GLG1: variants seen among roughly 807,000 people sequenced by gnomAD.
GLG1 encodes the protein golgi glycoprotein 1.
A neutral mutation model predicts 160.5 loss-of-function variants in GLG1; 38 were observed. The ratio of observed to expected loss-of-function variants is 0.24; its 90% CI spans 0.18 to 0.31. GLG1 has a LOEUF of 0.31. Ranked by LOEUF, GLG1 falls within the 10% of genes least tolerant of loss-of-function variation. GLG1 has a pLI of 1.00. For synonymous variants in GLG1, 644 were observed against 543.4 expected (o/e 1.19, Z -2.57); for missense variants, 1,373 against 1,505.2 (o/e 0.91, Z 1.45).
intron 2 of GLG1, among the ~76,000 whole-genome samples, chr16:74,512,799 T>C (rs567102712): frequency 6.6e-6 from 1 of 152,082 alleles, no homozygotes; most frequent in African/African-American, 2.4e-5. Context: ...GTGATAAATG[T>C]GATAACAAGC....
intron 2 of GLG1, among the ~76,000 whole-genome samples, chr16:74,514,880 T>C (rs1216970019): frequency 6.6e-6 from 1 of 152,010 alleles, no homozygotes; most frequent in African/African-American, 2.4e-5. Context: ...CAGTATGCTG[T>C]ATTCAGGAGA....
chr16:74,488,950 A>G (rs1294261711), intron 8 of GLG1, among the ~76,000 whole-genome samples: 7 of 152,072 alleles, frequency 4.6e-5, no homozygotes, highest in Admixed American at 3.9e-4. Context: ...GGGCAAAACC[A>G]TATGTTTCAC....
chr16:74,571,931 G>A (rs1040058971), intron 1 of GLG1, among the ~76,000 whole-genome samples: 7 of 152,212 alleles, frequency 4.6e-5, no homozygotes, highest in African/African-American at 1.7e-4. Context: ...ATAGATACTT[G>A]GTCTCTGTGC....
Position 74,508,842 on chromosome 16 carries a change from T to A in GLG1, c.555A>T (p.Thr185=). The A allele has an allele frequency of 7.2e-7, 1 of 1,384,794 alleles. No individual in the cohort carries two copies. The highest frequency in any genetic ancestry group is 1.0e-6 in the Non-Finnish European group (1 of 971,566). The allele number at this position is 1,384,794 out of a possible 1,614,324, so 85.8% of individuals were successfully genotyped here. A position where few individuals can be genotyped will look rare whatever the true frequency, so the allele number is the denominator to read the frequency against. ...ACAAAATTCTTTGACAACTTACCTC[T>A]GTTATAGTAGATTTGCAAACCTCTC... ...VAREVCKSTI[T]EIKECADEPV... Residue 185 remains threonine, a synonymous_variant, in exon 3 of 26, where the codon ACA becomes ACT. Transcript: ENST00000422840.
At chr16:74,590,611 A>G (rs112151620) in intron 1 of GLG1, among the ~76,000 whole-genome samples, 1 of 126,518 alleles carries the variant, frequency 7.9e-6, no homozygotes, top group African/African-American at 3.1e-5. Flanking sequence ...ACTGAGTGAG[A>G]CTCCGTCTCC....
At chr16:74,544,748 CCTCGGCCTCCCAA>C (rs2017998478) in intron 1 of GLG1, among the ~76,000 whole-genome samples, 1 of 152,220 alleles carries the variant, frequency 6.6e-6, no homozygotes, top group Non-Finnish European at 1.5e-5. Context: ...GACCCTCCCA[CCTCGGCCTCCCAA>C]AGTGCAGGGA....
intron 1 of GLG1, among the ~76,000 whole-genome samples, chr16:74,598,332 C>T (rs745334388): frequency 4.0e-5 from 6 of 150,366 alleles, no homozygotes; most frequent in East Asian, 2.0e-4. Context: ...CCATCCTGGC[C>T]AACATGGTGA....
At chr16:74,524,214 A>G (rs1346645860) in intron 2 of GLG1, among the ~76,000 whole-genome samples, 4 of 147,506 alleles carry the variant, frequency 2.7e-5, no homozygotes, top group Admixed American at 1.3e-4. Context: ...ATCTCAAAAC[A>G]AAAAAAAAGA....
Position 74,597,430 on chromosome 16 carries a change from C to CA in GLG1, c.438+9226dup, listed in dbSNP as rs1180246941. On this transcript the variant is annotated intron_variant, in intron 1 of 25. Coordinates refer to ENST00000422840, the MANE Select transcript of GLG1 (RefSeq NM_001145667.2). Reference sequence around the variant, plus strand: ...TGGATGACAGAGTGAGACTCCATCTCAAAAAAAAAAAAAAAGAAAGAAAAA... The same window carrying CA: ...TGGATGACAGAGTGAGACTCCATCTCAAAAAAAAAAAAAAAAGAAAGAAAAA... 9.9e-3 allele frequency among the ~76,000 whole-genome samples: 614 copies of CA among 61,764 alleles called. 3 individuals carry two copies. Among genetic ancestry groups the CA allele is most frequent in the Middle Eastern group, 0.052 (3 of 58 alleles). 40.5% of individuals were successfully genotyped at this position (61,764 alleles called of 152,430 possible).
At chr16:74,514,984 G>A (rs1239992084) in intron 2 of GLG1, among the ~76,000 whole-genome samples, 2 of 152,018 alleles carry the variant, frequency 1.3e-5, no homozygotes, top group East Asian at 1.9e-4. Context: ...AAAAAAAGCA[G>A]GGGTTGCAAT....
chr16:74,507,521 G>C (rs1319488288), intron 3 of GLG1, among the ~76,000 whole-genome samples: 2 of 152,140 alleles, frequency 1.3e-5, no homozygotes, highest in African/African-American at 2.4e-5. Flanking sequence ...TGGATCACAT[G>C]AGGTCAGGAT....
At chr16:74,486,945 G>A (rs185140258) in intron 8 of GLG1, among the ~76,000 whole-genome samples, 15 of 145,978 alleles carry the variant, frequency 1.0e-4, no homozygotes, top group Admixed American at 7.8e-4. Context: ...ACAGAGTTTC[G>A]CTCTGTCACC....
chr16:74,584,605 G>A (rs760276843), intron 1 of GLG1, among the ~76,000 whole-genome samples: 18 of 152,016 alleles, frequency 1.2e-4, no homozygotes, highest in Admixed American at 9.8e-4. Context: ...AGGGTGGGAA[G>A]CGGTTGAGGA....
At chr16:74,558,625 A>G (rs1489876790) in intron 1 of GLG1, among the ~76,000 whole-genome samples, 1 of 152,226 alleles carries the variant, frequency 6.6e-6, no homozygotes, top group Non-Finnish European at 1.5e-5. Flanking sequence ...ACATTTTTAG[A>G]AAATGTGAAG....
At chr16:74,530,059 C>T (rs1327117454) in intron 2 of GLG1, among the ~76,000 whole-genome samples, 1 of 151,958 alleles carries the variant, frequency 6.6e-6, no homozygotes, top group East Asian at 1.9e-4. Context: ...TCCACCCAGC[C>T]TTCCAAAATT....
At chr16:74,560,985 T>C (rs1325435166) in intron 1 of GLG1, among the ~76,000 whole-genome samples, 1 of 152,236 alleles carries the variant, frequency 6.6e-6, no homozygotes, top group Non-Finnish European at 1.5e-5. Context: ...TTATTTCAAA[T>C]TGAATGAATT....
At position 74,607,114 on chromosome 16, in the gene GLG1, C is replaced by G. The variant is rs142881547; in HGVS notation, c.-20G>C. ...CGCCATCTTGAGTCCGCGGCGAGCTCGACGCACTCGCCGGCGCCGCGTATT... is the reference window on the plus strand; with the variant it reads ...CGCCATCTTGAGTCCGCGGCGAGCTGGACGCACTCGCCGGCGCCGCGTATT... On this transcript the variant is annotated 5_prime_UTR_variant, in exon 1 of 26. Coordinates refer to ENST00000422840, the MANE Select transcript of GLG1 (RefSeq NM_001145667.2). 207 of 1,505,384 alleles carry G rather than the reference C, an allele frequency of 1.4e-4. No individual in the cohort carries two copies. The Middle Eastern group carries it at 1.9e-3, about 14-fold the overall frequency. 93.3% of individuals were successfully genotyped at this position (1,505,384 alleles called of 1,614,324 possible). A position where few individuals can be genotyped will look rare whatever the true frequency, so the allele number is the denominator to read the frequency against.
At chr16:74,483,208 G>C (rs2015669679) in intron 9 of GLG1, 84 bp from the exon 10 acceptor site, 2 of 811,604 alleles carry the variant, frequency 2.5e-6, no homozygotes, top group Admixed American at 2.3e-5. Flanking sequence ...GTCTGTAGAA[G>C]GCGGCTTTTA....
chr16:74,567,817 C>T (rs1009199092), intron 1 of GLG1, among the ~76,000 whole-genome samples: 1 of 151,866 alleles, frequency 6.6e-6, no homozygotes, highest in Admixed American at 6.6e-5. Flanking sequence ...ATCCACCCGC[C>T]TCGGCCTCCC....
Sources: gnomAD v4.1 joint callset for allele counts (sites outside exome capture counted in the v4.1 genomes callset) on GRCh38, gnomAD v4.1.1 for gene constraint, MANE v1.5 for transcripts, NCBI Gene and HGNC (gene_info 2026-07-23, HGNC 2026-07-21) for gene names.